PCDHA8: variants seen among roughly 807,000 people sequenced by gnomAD.
The protein encoded by PCDHA8 is protocadherin alpha 8.
A neutral mutation model predicts 61.8 loss-of-function variants in PCDHA8; 53 were observed. The ratio of observed to expected loss-of-function variants is 0.86; its 90% confidence interval spans 0.69 to 1.08. PCDHA8 has a LOEUF of 1.08. Among genes scored for constraint, PCDHA8 ranks in the 50% least tolerant of loss-of-function variants. PCDHA8 has a pLI of 0.00. For synonymous variants in PCDHA8, 618 were observed against 556.6 expected, an observed-to-expected ratio of 1.11 and a Z score of -1.55; for missense variants, 1,293 against 1,245.0, an observed-to-expected ratio of 1.04 and a Z score of -0.58.
chr5:140,885,164 T>G (rs2060495549), intron 1 of PCDHA8, among the ~76,000 whole-genome samples: 1 of 151,598 alleles, frequency 6.6e-6, no homozygotes, highest in African/African-American at 2.4e-5. Context: ...TCTCTACTTT[T>G]TTGTCCTCTA....
At position 140,856,324 on chromosome 5, in the gene PCDHA8, G is replaced by A. The variant is rs1221183425; in HGVS notation, c.2394+12609G>A. ...TTGTGAATTCTCGGATTGACCGCGA[G>A]GAGCTGTGCGGGCGGAGCGTGGAGT... On this transcript the variant is annotated intron_variant, in intron 1 of 3. Coordinates refer to ENST00000531613, the MANE Select transcript of PCDHA8 (RefSeq NM_018911.3). The A allele has an allele frequency of 6.3e-6, 10 of 1,598,594 alleles. 1 individual carries two copies. Among genetic ancestry groups the A allele is most frequent in the Non-Finnish European group, 8.6e-6 (10 of 1,168,074 alleles).
chr5:140,915,677 A>C (rs1352514451), intron 1 of PCDHA8, among the ~76,000 whole-genome samples: 4 of 150,138 alleles, frequency 2.7e-5, no homozygotes, highest in African/African-American at 9.8e-5. Flanking sequence ...GCCATCTTGA[A>C]CTAGGGGTAT....
intron 1 of PCDHA8, among the ~76,000 whole-genome samples, chr5:140,976,227 T>C (rs2096706900): frequency 6.6e-6 from 1 of 152,050 alleles, no homozygotes; most frequent in East Asian, 1.9e-4. Context: ...AGAAGAAAAA[T>C]ATATGTCATT....
At chr5:140,850,834 C>G in intron 1 of PCDHA8, 1 of 1,597,920 alleles carries the variant, frequency 6.3e-7, no homozygotes, top group South Asian at 1.1e-5. Flanking sequence ...TCTCCTTGTG[C>G]TGGATCTACA....
At chr5:140,958,241 AT>A (rs2095415572) in intron 1 of PCDHA8, among the ~76,000 whole-genome samples, 1 of 152,118 alleles carries the variant, frequency 6.6e-6, no homozygotes, top group Non-Finnish European at 1.5e-5. Flanking sequence ...GTTTTTAACA[AT>A]TCTGAACAAA....
chr5:140,864,279 T>C (rs1554158753), intron 1 of PCDHA8: 1 of 152,238 alleles, frequency 6.6e-6, no homozygotes, highest in African/African-American at 2.4e-5. Context: ...CCATTCCTTA[T>C]TGTTTTTATG....
At chr5:140,856,030 A>G in intron 1 of PCDHA8, 2 of 1,561,578 alleles carry the variant, frequency 1.3e-6, no homozygotes, top group East Asian at 4.5e-5. Context: ...GTCGATTTGT[A>G]AAACAAGAGA....
chr5:140,972,072 T>C (rs1380413898), intron 1 of PCDHA8, among the ~76,000 whole-genome samples: 1 of 152,212 alleles, frequency 6.6e-6, no homozygotes, highest in Non-Finnish European at 1.5e-5. Flanking sequence ...ATTAACTGCT[T>C]TTGGAAAAAG....
intron 1 of PCDHA8, among the ~76,000 whole-genome samples, chr5:140,970,867 G>A (rs1207924606): frequency 6.6e-6 from 1 of 152,124 alleles, no homozygotes; most frequent in Non-Finnish European, 1.5e-5. Flanking sequence ...ATTCCTGATT[G>A]AGAGTAGATT....
chr5:140,967,460 G>A, intron 1 of PCDHA8: 1 of 1,613,538 alleles, frequency 6.2e-7, no homozygotes, highest in Non-Finnish European at 8.5e-7. Context: ...AGCCGTGGAT[G>A]GGGGCATCCC....
chr5:140,927,409 A>G lies in PCDHA8; in HGVS notation c.2395-51540A>G. The G allele has an allele frequency of 4.3e-6, 7 of 1,614,120 alleles. No individual in the cohort carries two copies. Among genetic ancestry groups the G allele is most frequent in the Non-Finnish European group, 5.9e-6 (7 of 1,179,964 alleles). On this transcript the variant is annotated intron_variant, in intron 1 of 3. Coordinates refer to ENST00000531613, the MANE Select transcript of PCDHA8 (RefSeq NM_018911.3). ...CCCCAGTCAGCACTTTCGCCTGGAC[A>G]TGGGATCGCGGGTTGACGGCAGCGA...
rs1582078645 is a variant in PCDHA8, at chr5:140,872,401, A to G, written c.2394+28686A>G. Among the ~76,000 whole-genome samples the G allele has an allele frequency of 2.0e-5, 3 of 152,246 alleles. No homozygotes were observed. In the East Asian group the frequency reaches 5.8e-4, roughly 29 times the overall value. ...CAGCTATTTGGGAGGCTGAGGCAGG[A>G]GAATTGCTTGAGCCCAAGAGTTCGA... On this transcript the variant is annotated intron_variant, in intron 1 of 3. Transcript: ENST00000531613.
At chr5:140,843,828 T>G (rs1779111398) in intron 1 of PCDHA8, 113 bp downstream of exon 1, 1 of 1,176,020 alleles carries the variant, frequency 8.5e-7, no homozygotes, top group South Asian at 1.5e-5. Context: ...ATTTAAACAT[T>G]GTTTAGTTTT....
intron 1 of PCDHA8, among the ~76,000 whole-genome samples, chr5:140,903,921 G>C (rs1282440912): frequency 6.6e-6 from 1 of 152,198 alleles, no homozygotes; most frequent in African/African-American, 2.4e-5. Flanking sequence ...CTTCCTTGCT[G>C]CATTGGATAA....
At chr5:140,891,371 T>C (rs1483919316) in intron 1 of PCDHA8, among the ~76,000 whole-genome samples, 1 of 152,146 alleles carries the variant, frequency 6.6e-6, no homozygotes, top group Non-Finnish European at 1.5e-5. Flanking sequence ...CAGTATACAT[T>C]GCACCATATT....
chr5:140,873,734 C>T (rs2054463877), intron 1 of PCDHA8, among the ~76,000 whole-genome samples: 1 of 152,178 alleles, frequency 6.6e-6, no homozygotes, highest in African/African-American at 2.4e-5. Flanking sequence ...AATCTCAGCT[C>T]ACTGCAATCT....
At chr5:140,982,312 T>C in intron 2 of PCDHA8, 163 bp from the exon 3 acceptor site, 1 of 1,315,948 alleles carries the variant, frequency 7.6e-7, no homozygotes, top group Non-Finnish European at 1.0e-6. Context: ...TTCTGCAGTT[T>C]ATGCAGGGTG....
At chr5:141,008,159 G>A (rs1352277469) in intron 3 of PCDHA8, among the ~76,000 whole-genome samples, 1 of 152,138 alleles carries the variant, frequency 6.6e-6, no homozygotes, top group East Asian at 1.9e-4. Flanking sequence ...TTGATAAGAT[G>A]AGGACTAAAA....
chr5:140,998,107 A>G (rs138517610), intron 3 of PCDHA8, among the ~76,000 whole-genome samples: 1 of 152,328 alleles, frequency 6.6e-6, no homozygotes, highest in Non-Finnish European at 1.5e-5. Flanking sequence ...AACAGAGGAG[A>G]AAATTTACTT....
Sources: gnomAD v4.1 joint callset for allele counts (sites outside exome capture counted in the v4.1 genomes callset) on GRCh38, gnomAD v4.1.1 for gene constraint, MANE v1.5 for transcripts, NCBI Gene and HGNC (gene_info 2026-07-23, HGNC 2026-07-21) for gene names.